Variants in PCDHGA7 observed in about 807,000 individuals in gnomAD.
PCDHGA7 encodes the protein protocadherin gamma-A7.
Under a neutral mutation model 58.3 loss-of-function variants are expected in PCDHGA7, and 44 were observed. That is an observed-to-expected ratio of 0.75 (90% CI 0.59 to 0.97). The LOEUF is 0.97. Ranked by LOEUF, PCDHGA7 falls within the 50% of genes least tolerant of loss-of-function variation. The probability of loss-of-function intolerance (pLI) is 0.00; values close to 1 mark genes in which losing one functional copy is unlikely to be tolerated. For synonymous variants in PCDHGA7, 516 were observed against 504.2 expected (o/e 1.02, Z -0.31); for missense variants, 1,266 against 1,188.7 (o/e 1.06, Z -0.96).
intron 2 of PCDHGA7, among the ~76,000 whole-genome samples, chr5:141,502,517 G>A (rs1333510345): frequency 1.3e-5 from 2 of 152,128 alleles, no homozygotes; most frequent in Admixed American, 6.6e-5. Flanking sequence ...CCCACTATCA[G>A]TGATGCCGAG....
intron 2 of PCDHGA7, among the ~76,000 whole-genome samples, chr5:141,500,768 A>C (rs2099802446): frequency 6.6e-6 from 1 of 152,180 alleles, no homozygotes; most frequent in African/African-American, 2.4e-5. Flanking sequence ...AACTCCTCTT[A>C]TGAATATACA....
chr5:141,485,033 T>C lies in PCDHGA7; in HGVS notation c.2425-9774T>C. 1 of 689,352 alleles carries C rather than the reference T, an allele frequency of 1.5e-6. No homozygotes were observed. The highest frequency in any genetic ancestry group is 2.5e-6 in the Non-Finnish European group (1 of 392,590). The allele number at this position is 689,352 out of a possible 1,614,324, so 42.7% of individuals were successfully genotyped here. On this transcript the variant is annotated intron_variant, in intron 1 of 3. Coordinates refer to ENST00000518325, the MANE Select transcript of PCDHGA7 (RefSeq NM_018920.4). This position sits in a 1 kb window ranked among gnomAD's most constrained non-coding sequence, Gnocchi z 5.7. ...CCCCGCCACCAGCAAAAACGGCGCG[T>C]AACCCTTGCGGCGCCGGCCGAACCG...
At chr5:141,404,914 C>G (rs1423848318) in intron 1 of PCDHGA7, 1 of 1,613,830 alleles carries the variant, frequency 6.2e-7, no homozygotes, top group Non-Finnish European at 8.5e-7. Flanking sequence ...AGCCCCCTCT[C>G]TCGGCCACTG....
chr5:141,445,093 A>G (rs987863232), intron 1 of PCDHGA7, among the ~76,000 whole-genome samples: 2 of 152,168 alleles, frequency 1.3e-5, no homozygotes, highest in Non-Finnish European at 2.9e-5. Flanking sequence ...TACATATTTG[A>G]TGTTTTCTAA....
chr5:141,409,312 AAC>A (rs762706827), intron 1 of PCDHGA7: 39 of 1,613,880 alleles, frequency 2.4e-5, no homozygotes, highest in Admixed American at 1.7e-4. Flanking sequence ...CCCTCTTCAA[AAC>A]ACGGGATCTG....
intron 1 of PCDHGA7, chr5:141,419,253 A>C (rs1590154657): frequency 6.2e-7 from 1 of 1,613,990 alleles, no homozygotes; most frequent in South Asian, 1.1e-5. Context: ...CCAGAAAACA[A>C]CCAGCCGGGT....
At position 141,512,815 on chromosome 5, in the gene PCDHGA7, A is replaced by AC. The variant is rs1215322144; in HGVS notation, c.*1647dup. ...TGTGCTGTGTCCACGCGCTAAGGCG[A>AC]CCCCCTCCCCCGTACTGACTTCTCC... is the stretch of plus-strand genomic sequence containing the variant. On this transcript the variant is annotated 3_prime_UTR_variant, in exon 4 of 4. Coordinates refer to ENST00000518325, the MANE Select transcript of PCDHGA7 (RefSeq NM_018920.4). The AC allele has an allele frequency of 6.7e-6, 1 of 149,682 alleles. No homozygotes were observed. The highest frequency in any genetic ancestry group is 1.5e-5 in the Non-Finnish European group (1 of 67,474). 9.3% of individuals were successfully genotyped at this position (149,682 alleles called of 1,614,324 possible).
chr5:141,499,268 G>C (rs564234341), intron 2 of PCDHGA7, among the ~76,000 whole-genome samples: 1 of 152,224 alleles, frequency 6.6e-6, no homozygotes, highest in South Asian at 2.1e-4. Flanking sequence ...TTGGTCCCTA[G>C]ACTGTTCTCT....
chr5:141,421,395 G>A (rs2096569109), intron 1 of PCDHGA7: 1 of 1,613,950 alleles, frequency 6.2e-7, no homozygotes, highest in Admixed American at 1.7e-5. Flanking sequence ...TGGGGCTGGA[G>A]CCCCGGGAGC....
chr5:141,406,796 T>C (rs1010773625), intron 1 of PCDHGA7, among the ~76,000 whole-genome samples: 7 of 152,362 alleles, frequency 4.6e-5, no homozygotes, highest in Admixed American at 1.3e-4. Flanking sequence ...TATTTCTGGC[T>C]CAATTCTCCA....
Position 141,489,375 on chromosome 5 carries a change from G to C in PCDHGA7, c.2425-5432G>C. On this transcript the variant is annotated intron_variant, in intron 1 of 3. Coordinates refer to ENST00000518325, the MANE Select transcript of PCDHGA7 (RefSeq NM_018920.4). The surrounding 1 kb of genome is among the most constrained non-coding windows in gnomAD (Gnocchi z 4.5). ...AGGAGTCTGAGCCGGGGACGCTGGT[G>C]GGGAATGTTGCTCAGGATCTGGGCT... 1 of 1,613,826 alleles carries C rather than the reference G, an allele frequency of 6.2e-7. No homozygotes were observed.
chr5:141,496,981 T>A (rs928774783), intron 2 of PCDHGA7, among the ~76,000 whole-genome samples: 1 of 150,304 alleles, frequency 6.7e-6, no homozygotes, highest in African/African-American at 2.5e-5. Context: ...AGGTCAGGGG[T>A]TTGAGACCAG....
intron 1 of PCDHGA7, among the ~76,000 whole-genome samples, chr5:141,439,024 T>C (rs1278127532): frequency 2.0e-5 from 3 of 151,510 alleles, no homozygotes; most frequent in African/African-American, 7.3e-5. Flanking sequence ...ATTTTGAAAA[T>C]AGATGCCTCA....
rs148279287 is a variant in PCDHGA7 at position 141,389,277 on chromosome 5, C to T, written c.2424+3954C>T. ...AGTCCACGTGGCCGAGAACAACCCG[C>T]CTGGAGCCTCTATTTCACAAGTCAG... On this transcript the variant is annotated intron_variant, in intron 1 of 3. Transcript: ENST00000518325. 7,343 of 1,614,014 alleles carry T rather than the reference C, an allele frequency of 4.5e-3. 34 individuals are homozygous for T. Among genetic ancestry groups the T allele is most frequent in the Middle Eastern group, 0.015 (93 of 6,062 alleles).
chr5:141,455,401 A>G (rs1252870027), intron 1 of PCDHGA7, among the ~76,000 whole-genome samples: 1 of 152,158 alleles, frequency 6.6e-6, no homozygotes, highest in Non-Finnish European at 1.5e-5. Context: ...TCCCCCTTAC[A>G]GAGACAGAGG....
chr5:141,383,698 A>G lies in PCDHGA7; in HGVS notation c.799A>G (p.Ile267Val), dbSNP rs376903516. 5.0e-6 allele frequency: 8 copies of G among 1,614,026 alleles called. No homozygotes were observed. Among genetic ancestry groups the G allele is most frequent in the South Asian group, 1.1e-5 (1 of 91,088 alleles). Residue 267 changes from isoleucine (I) to valine (V), a missense_variant, in exon 1 of 4, where the codon ATC becomes GTC. Transcript: ENST00000518325. ...TACAAGACTGCTCACGGTACATGCTATCGACCTGGACGAGGGAGTCAATGG... is the reference window on the plus strand; with the variant it reads ...TACAAGACTGCTCACGGTACATGCTGTCGACCTGGACGAGGGAGTCAATGG... ...VGTRLLTVHA[I>V]DLDEGVNGEV...
At chr5:141,418,904 A>C (rs2096300166) in intron 1 of PCDHGA7, 1 of 1,613,998 alleles carries the variant, frequency 6.2e-7, no homozygotes, top group Admixed American at 1.7e-5. Context: ...AGAAATAATC[A>C]TCACGTCACT....
At chr5:141,440,275 T>C (rs913705052) in intron 1 of PCDHGA7, 14 of 152,120 alleles carry the variant, frequency 9.2e-5, no homozygotes, top group African/African-American at 3.1e-4. Flanking sequence ...GAGACCAGCC[T>C]GACCAACATA....
At chr5:141,426,788 T>C (rs2096960035) in intron 1 of PCDHGA7, 1 of 456,568 alleles carries the variant, frequency 2.2e-6, no homozygotes, top group African/African-American at 2.0e-5. Context: ...CTCTCCAGAG[T>C]TACCAGCTCA....
Sources: allele counts gnomAD v4.1 joint callset (sites outside exome capture counted in the v4.1 genomes callset), GRCh38; gene constraint gnomAD v4.1.1; non-coding constraint Gnocchi (gnomAD v3.1); transcripts MANE v1.5; gene names NCBI Gene and HGNC (gene_info 2026-07-23, HGNC 2026-07-21).